Variants in FTCDNL1 observed in about 807,000 individuals in gnomAD.
FTCDNL1 encodes the protein formiminotransferase cyclodeaminase N-terminal like.
A neutral mutation model predicts 5.9 loss-of-function variants in FTCDNL1; 11 were observed. That is an observed-to-expected ratio of 1.87 (90% confidence interval 1.18 to 3.10). The LOEUF (loss-of-function observed/expected upper bound fraction) is 3.10, where lower values mean the gene tolerates loss of function less well. FTCDNL1 is among the 30% of genes most tolerant of loss of function. The pLI is 0.00. For missense variants in FTCDNL1, 115 were observed against 65.5 expected (o/e 1.76, Z -2.61); for synonymous variants, 58 against 24.8 (o/e 2.34, Z -3.99).
At chr2:199,801,702 G>A (rs1234950016) in intron 3 of FTCDNL1, among the ~76,000 whole-genome samples, 6 of 151,856 alleles carry the variant, frequency 4.0e-5, no homozygotes, top group Non-Finnish European at 7.4e-5. Flanking sequence ...TGTAATCCCA[G>A]CACTTTGTGG....
chr2:199,710,357 T>G, the FTCDNL1 span, among the ~76,000 whole-genome samples: 7 of 152,146 alleles, frequency 4.6e-5, no homozygotes, highest in Non-Finnish European at 1.0e-4. Flanking sequence ...CTGTTGGTCA[T>G]GAGTTCAGTG....
the FTCDNL1 span, among the ~76,000 whole-genome samples, chr2:199,676,435 T>C: frequency 3.3e-5 from 5 of 152,058 alleles, no homozygotes; most frequent in Admixed American, 6.6e-5. Context: ...TAATCAAAAA[T>C]GTTGGGGGCC....
chr2:199,771,800 T>C (rs937769936), intron 3 of FTCDNL1, among the ~76,000 whole-genome samples: 4 of 152,170 alleles, frequency 2.6e-5, no homozygotes, highest in Non-Finnish European at 5.9e-5. Flanking sequence ...CTACCTACAA[T>C]TAAAGCAGTA....
the FTCDNL1 span, among the ~76,000 whole-genome samples, chr2:199,700,303 C>T: frequency 4.1e-3 from 618 of 152,194 alleles, 1 homozygote; most frequent in Middle Eastern, 0.017. Context: ...ATTTACAATG[C>T]TACAAAAAGA....
intron 3 of FTCDNL1, among the ~76,000 whole-genome samples, chr2:199,826,073 A>C (rs763093362): frequency 4.6e-5 from 7 of 152,202 alleles, no homozygotes; most frequent in Admixed American, 3.3e-4. Flanking sequence ...TACTAAATAC[A>C]TGTTTCCTGG....
the FTCDNL1 span, among the ~76,000 whole-genome samples, chr2:199,673,425 T>G: frequency 6.6e-6 from 1 of 152,070 alleles, no homozygotes; most frequent in Non-Finnish European, 1.5e-5. Context: ...GATTCAGACC[T>G]TCCAAATCTT....
At chr2:199,839,058 T>C (rs764573719) in intron 3 of FTCDNL1, among the ~76,000 whole-genome samples, 38 of 152,012 alleles carry the variant, frequency 2.5e-4, no homozygotes, top group Non-Finnish European at 2.4e-4. Context: ...CAGCCTACAG[T>C]TGACAAACCC....
At chr2:199,826,523 G>C (rs772352581) in intron 3 of FTCDNL1, among the ~76,000 whole-genome samples, 27 of 151,486 alleles carry the variant, frequency 1.8e-4, no homozygotes, top group Non-Finnish European at 1.5e-5. Context: ...GGTTGGGTGC[G>C]GTGGCTTACG....
chr2:199,705,106 T>C, the FTCDNL1 span, among the ~76,000 whole-genome samples: 2 of 152,088 alleles, frequency 1.3e-5, no homozygotes, highest in East Asian at 1.9e-4. Context: ...GAGATGGACA[T>C]GGATTGCTCT....
At chr2:199,801,906 C>G (rs1471153199) in intron 3 of FTCDNL1, among the ~76,000 whole-genome samples, 1 of 150,882 alleles carries the variant, frequency 6.6e-6, no homozygotes, top group East Asian at 1.9e-4. Flanking sequence ...CCACTGCACT[C>G]CAGCCTGGGC....
the FTCDNL1 span, among the ~76,000 whole-genome samples, chr2:199,731,549 T>C: frequency 2.0e-5 from 3 of 152,132 alleles, no homozygotes; most frequent in African/African-American, 7.2e-5. Context: ...TTGAGTTCAC[T>C]GAACAGATTA....
chr2:199,753,485 G>A, the FTCDNL1 span, among the ~76,000 whole-genome samples: 1 of 152,360 alleles, frequency 6.6e-6, no homozygotes, highest in East Asian at 1.9e-4. Flanking sequence ...TTTAAGCAGA[G>A]AAATGACATT....
intron 3 of FTCDNL1, among the ~76,000 whole-genome samples, chr2:199,788,932 A>G (rs924639578): frequency 2.0e-5 from 3 of 151,978 alleles, no homozygotes; most frequent in African/African-American, 7.2e-5. Context: ...TCTAGAATAA[A>G]TGGATAATTT....
intron 3 of FTCDNL1, among the ~76,000 whole-genome samples, chr2:199,782,989 G>A (rs1294441318): frequency 1.3e-5 from 2 of 152,134 alleles, no homozygotes; most frequent in South Asian, 2.1e-4. Flanking sequence ...TATAAAATAA[G>A]CAACCCTCTT....
the FTCDNL1 span, among the ~76,000 whole-genome samples, chr2:199,722,830 G>A: frequency 6.6e-6 from 1 of 152,020 alleles, no homozygotes; most frequent in Non-Finnish European, 1.5e-5. Context: ...CCTTGAAGAG[G>A]TCCTTCACTT....
the FTCDNL1 span, among the ~76,000 whole-genome samples, chr2:199,671,253 A>T: frequency 6.6e-6 from 1 of 152,184 alleles, no homozygotes; most frequent in Non-Finnish European, 1.5e-5. Context: ...AACATGGAAA[A>T]GGGTCTTGTA....
At chr2:199,745,299 T>G in the FTCDNL1 span, among the ~76,000 whole-genome samples, 1 of 152,238 alleles carries the variant, frequency 6.6e-6, no homozygotes, top group East Asian at 1.9e-4. Flanking sequence ...TACATTTTAT[T>G]GTAAGCCCTA....
chr2:199,737,703 G>A, the FTCDNL1 span, among the ~76,000 whole-genome samples: 1 of 152,112 alleles, frequency 6.6e-6, no homozygotes, highest in African/African-American at 2.4e-5. Context: ...CATAGGTCCC[G>A]CACTTAGAAG....
chr2:199,776,860 T>C (rs1046991160), intron 3 of FTCDNL1, among the ~76,000 whole-genome samples: 1 of 152,100 alleles, frequency 6.6e-6, no homozygotes. Context: ...CACACACATA[T>C]ATGTGTCTAT....
Sources: gnomAD v4.1 joint callset for allele counts (sites outside exome capture counted in the v4.1 genomes callset) on GRCh38, gnomAD v4.1.1 for gene constraint, MANE v1.5 for transcripts, NCBI Gene and HGNC (gene_info 2026-07-23, HGNC 2026-07-21) for gene names.